C1D: variants seen among roughly 807,000 people sequenced by gnomAD.
The protein encoded by C1D is C1D nuclear receptor corepressor, also known as nuclear nucleic acid-binding protein C1D.
C1D carries 10 observed loss-of-function variants against 17.5 expected under a neutral mutation model. That is an observed-to-expected ratio of 0.57 (90% CI 0.35 to 0.97). The LOEUF is 0.97. Among genes scored for constraint, C1D ranks in the 50% least tolerant of loss-of-function variants. The pLI is 0.01. For missense variants in C1D, 136 were observed against 160.1 expected (o/e 0.85, Z 0.81); for synonymous variants, 49 against 54.0 (o/e 0.91, Z 0.40).
intron 1 of C1D, among the ~76,000 whole-genome samples, chr2:68,052,861 G>A (rs1308786065): frequency 6.6e-6 from 1 of 152,018 alleles, no homozygotes; most frequent in East Asian, 1.9e-4. Flanking sequence ...TAGCTACTCT[G>A]ACCCCAGGAT....
chr2:68,047,414 AAAGGC>A, intron 1 of C1D, 95 bp from the exon 2 acceptor site: 2 of 889,614 alleles, frequency 2.2e-6, no homozygotes, highest in South Asian at 4.5e-5. Flanking sequence ...CATGTATTTC[AAAGGC>A]ACTAAGAGTT....
chr2:68,047,808 C>G (rs1470608437), intron 1 of C1D, among the ~76,000 whole-genome samples: 1 of 152,128 alleles, frequency 6.6e-6, no homozygotes. Flanking sequence ...AATCAAAATC[C>G]TACATCTTAA....
At chr2:68,061,732 T>C (rs1671634605) in intron 1 of C1D, among the ~76,000 whole-genome samples, 1 of 152,204 alleles carries the variant, frequency 6.6e-6, no homozygotes, top group Non-Finnish European at 1.5e-5. Context: ...TGTGAACTAT[T>C]TAGAGCCATG....
At chr2:68,050,118 T>C (rs757320213) in intron 1 of C1D, among the ~76,000 whole-genome samples, 1 of 152,228 alleles carries the variant, frequency 6.6e-6, no homozygotes, top group African/African-American at 2.4e-5. Context: ...ACATACCCTT[T>C]GACTCAGGAA....
chr2:68,043,583 G>T (rs1572877628), intron 4 of C1D, among the ~76,000 whole-genome samples: 1 of 152,056 alleles, frequency 6.6e-6, no homozygotes, highest in African/African-American at 2.4e-5. Flanking sequence ...TATAATTTTG[G>T]TAAGTACATG....
chr2:68,052,433 CTGTA>C (rs1017004334), intron 1 of C1D, among the ~76,000 whole-genome samples: 4 of 151,986 alleles, frequency 2.6e-5, no homozygotes, highest in African/African-American at 7.2e-5. Flanking sequence ...TTAACAAATA[CTGTA>C]TGTATTTTTA....
chr2:68,054,069 T>C (rs1273939778), intron 1 of C1D, among the ~76,000 whole-genome samples: 1 of 152,226 alleles, frequency 6.6e-6, no homozygotes. Flanking sequence ...ATATTCATGT[T>C]GTATCCCCAG....
intron 1 of C1D, among the ~76,000 whole-genome samples, chr2:68,051,885 C>T (rs578237388): frequency 6.6e-6 from 1 of 152,034 alleles, no homozygotes; most frequent in East Asian, 1.9e-4. Context: ...TATCAACTAA[C>T]ATATATTTAT....
At chr2:68,044,545 G>A (rs6749379) in intron 4 of C1D, among the ~76,000 whole-genome samples, 114,508 of 151,980 alleles carry the variant, frequency 0.75, 44,153 homozygotes, top group African/African-American at 0.92. Context: ...CGTCTCTACT[G>A]AAAATACAAA....
chr2:68,053,200 AG>A, intron 1 of C1D: 1 of 1,550,000 alleles, frequency 6.5e-7, no homozygotes, highest in South Asian at 1.2e-5. Flanking sequence ...CCACTCAGTA[AG>A]GTGTGGCTGA....
At position 68,042,012 on chromosome 2, in the gene C1D, CTTGT is replaced by C. The variant is rs1368456536; in HGVS notation, c.*873_*876del. On this transcript the variant is annotated 3_prime_UTR_variant, in exon 5 of 5. Coordinates refer to ENST00000410067, the MANE Select transcript of C1D (RefSeq NM_173177.3). The stretch of plus-strand genomic sequence containing the variant: ...TAACTTAAGAAGTTGTTCCAAAACA[CTTGT>C]ATGTACTTGATACAGCCTCAAAAAC... 6.6e-6 allele frequency: 1 copy of C among 151,786 alleles called. No homozygotes were observed. The highest frequency in any genetic ancestry group is 6.6e-5 in the Admixed American group (1 of 15,244). The allele number at this position is 151,786 out of a possible 1,614,324, so 9.4% of individuals were successfully genotyped here.
rs1478228100 is a variant in C1D, at chr2:68,041,684, T to TA, written c.*1204dup. The TA allele has an allele frequency of 6.6e-6, 1 of 152,042 alleles. No homozygotes were observed. Among genetic ancestry groups the TA allele is most frequent in the Non-Finnish European group, 1.5e-5 (1 of 67,888 alleles). The allele number at this position is 152,042 out of a possible 1,614,324, so 9.4% of individuals were successfully genotyped here. On this transcript the variant is annotated 3_prime_UTR_variant, in exon 5 of 5. Coordinates refer to ENST00000410067, the MANE Select transcript of C1D (RefSeq NM_173177.3). ...TTTTAAGACCATTTCCAATATCTGC[T>TA]ATCATAAATCAAGAAATCCATTTAT...
At position 68,047,218 on chromosome 2, in the gene C1D, C is replaced by A. The variant is rs1294742683; in HGVS notation, c.93G>T (p.Met31Ile). 1.2e-6 allele frequency: 2 copies of A among 1,612,168 alleles called. No homozygotes were observed. The highest frequency in any genetic ancestry group is 2.7e-5 in the African/African-American group (2 of 74,876). ...TAGAAACAGACATCATGGTCTTCAG[C>A]ATCTCATCCACAGCACCAATGGAAT... Reference protein sequence around the residue: ...FENSIGAVDEMLKTMMSVSRN... With the variant: ...FENSIGAVDEILKTMMSVSRN... The change falls in exon 2 of 5, where the codon ATG (methionine) becomes ATT (isoleucine). Residue 31 changes from methionine (M) to isoleucine (I), a missense_variant. Physicochemically the swap from Met to Ile is conservative, Grantham distance 10. Coordinates refer to ENST00000410067, the MANE Select transcript of C1D (RefSeq NM_173177.3).
chr2:68,042,828 CGGGGGGGGGGGG>C lies in C1D; in HGVS notation c.*49_*60del, dbSNP rs200836844. On this transcript the variant is annotated 3_prime_UTR_variant, in exon 5 of 5. Coordinates refer to ENST00000410067, the MANE Select transcript of C1D (RefSeq NM_173177.3). ...CTTGCCCTGCCACAGAATTATTTTGCGGGGGGGGGGGGGGGGGGGAAGATGTACTTTTTGAAT... is the reference window on the plus strand; with the variant it reads ...CTTGCCCTGCCACAGAATTATTTTGCGGGGGGGAAGATGTACTTTTTGAAT... 11 of 206,214 alleles carry C rather than the reference CGGGGGGGGGGGG, an allele frequency of 5.3e-5. No individual in the cohort carries two copies. Among genetic ancestry groups the C allele is most frequent in the Admixed American group, 1.4e-4 (1 of 7,026 alleles). The allele number at this position is 206,214 out of a possible 1,614,324, so 12.8% of individuals were successfully genotyped here. A position where few individuals can be genotyped will look rare whatever the true frequency, so the allele number is the denominator to read the frequency against.
intron 4 of C1D, among the ~76,000 whole-genome samples, chr2:68,043,972 TG>T (rs1431446069): frequency 6.6e-6 from 1 of 152,218 alleles, no homozygotes; most frequent in African/African-American, 2.4e-5. Flanking sequence ...GTCTTTGCCC[TG>T]CTTATTCCTC....
intron 1 of C1D, among the ~76,000 whole-genome samples, chr2:68,052,260 CA>C (rs1427296263): frequency 6.6e-6 from 1 of 151,888 alleles, no homozygotes; most frequent in African/African-American, 2.4e-5. Context: ...AAAGAACATA[CA>C]AAAAATAGAC....
chr2:68,048,995 G>A (rs1363244202), intron 1 of C1D, among the ~76,000 whole-genome samples: 2 of 152,014 alleles, frequency 1.3e-5, no homozygotes, highest in Non-Finnish European at 2.9e-5. Flanking sequence ...TCAGGAGTTC[G>A]AGACCAGCCT....
chr2:68,053,134 C>T (rs1319790762), intron 1 of C1D: 1 of 1,550,708 alleles, frequency 6.4e-7, no homozygotes, highest in Non-Finnish European at 8.7e-7. Flanking sequence ...TTCTAAAACA[C>T]TGGCTGCAGA....
At chr2:68,053,288 T>C in intron 1 of C1D, 1 of 1,397,078 alleles carries the variant, frequency 7.2e-7, no homozygotes, top group Non-Finnish European at 9.6e-7. Context: ...TTCCTCTCAC[T>C]GGTTATACAG....
Sources: gnomAD v4.1 joint callset for allele counts (sites outside exome capture counted in the v4.1 genomes callset) on GRCh38, gnomAD v4.1.1 for gene constraint, MANE v1.5 for transcripts, NCBI Gene and HGNC (gene_info 2026-07-23, HGNC 2026-07-21) for gene names.